Variants in CASK observed in about 807,000 individuals in gnomAD.
CASK encodes the protein calcium/calmodulin dependent serine protein kinase, also known as peripheral plasma membrane protein CASK.
Under a neutral mutation model 82.9 loss-of-function variants are expected in CASK, and 4 were observed. That is an observed-to-expected ratio of 0.05 (90% confidence interval 0.02 to 0.11). CASK has a LOEUF of 0.11. CASK is among the 10% of genes least tolerant of loss of function. The probability of loss-of-function intolerance (pLI) is 1.00; values close to 1 mark genes in which losing one functional copy is unlikely to be tolerated. For missense variants in CASK, 358 were observed against 720.9 expected (o/e 0.50, Z 5.76); for synonymous variants, 259 against 253.5 (o/e 1.02, Z -0.20).
intron 3 of CASK, among the ~76,000 whole-genome samples, chrX:41,746,123 T>C (rs1011350215): frequency 1.1e-4 from 12 of 112,008 alleles, no homozygotes; most frequent in African/African-American, 3.2e-4. Flanking sequence ...AAACATATTG[T>C]AACACATAGA....
intron 9 of CASK, among the ~76,000 whole-genome samples, chrX:41,632,532 G>C (rs1010413054): frequency 8.9e-6 from 1 of 111,767 alleles, no homozygotes; most frequent in Non-Finnish European, 1.9e-5. Flanking sequence ...CATTTGAAAG[G>C]TGCTAGCGCA....
intron 2 of CASK, among the ~76,000 whole-genome samples, chrX:41,822,291 C>A (rs2070560688): frequency 1.8e-5 from 2 of 111,336 alleles, no homozygotes; most frequent in African/African-American, 6.5e-5. Flanking sequence ...GGCGTGGTGG[C>A]TCACATCTAT....
At chrX:41,909,237 A>T (rs2072520077) in intron 1 of CASK, among the ~76,000 whole-genome samples, 1 of 112,262 alleles carries the variant, frequency 8.9e-6, no homozygotes, top group Non-Finnish European at 1.9e-5. Context: ...CACTGATCTA[A>T]ACCTCACTGA....
chrX:41,544,564 T>TAAAAA (rs752196101), intron 21 of CASK, among the ~76,000 whole-genome samples: 2 of 48,389 alleles, frequency 4.1e-5, no homozygotes, highest in African/African-American at 8.1e-5. Context: ...AGACCTTGTC[T>TAAAAA]AAAAAAAAAA....
chrX:41,659,997 TAA>T (rs756132427), intron 8 of CASK: 829 of 97,902 alleles, frequency 8.5e-3, no homozygotes, highest in South Asian at 0.011. Flanking sequence ...AGACCTTGTC[TAA>T]AAAAAAAAAA....
intron 3 of CASK, among the ~76,000 whole-genome samples, chrX:41,766,914 A>G (rs1295896566): frequency 8.9e-6 from 1 of 111,775 alleles, no homozygotes; most frequent in Admixed American, 9.5e-5. Flanking sequence ...AGCATTATGC[A>G]TAAATATTTC....
intron 5 of CASK, among the ~76,000 whole-genome samples, chrX:41,710,016 A>G (rs1200581793): frequency 9.2e-6 from 1 of 108,562 alleles, no homozygotes; most frequent in East Asian, 2.9e-4. Flanking sequence ...GCACTGATAT[A>G]TGATGCCTTT....
chrX:41,738,253 G>A (rs1445682621), intron 5 of CASK, among the ~76,000 whole-genome samples: 6 of 112,919 alleles, frequency 5.3e-5, no homozygotes, highest in Non-Finnish European at 9.4e-5. Flanking sequence ...GGGATTATAG[G>A]CATGAGCCAC....
At chrX:41,880,335 T>C (rs1156768545) in intron 1 of CASK, among the ~76,000 whole-genome samples, 1 of 111,699 alleles carries the variant, frequency 9.0e-6, no homozygotes, top group Non-Finnish European at 1.9e-5. Context: ...TTATAATTTA[T>C]ATACTCTTCT....
Position 41,553,739 on chromosome X carries a change from A to C in CASK, c.2019T>G (p.Pro673=), listed in dbSNP as rs546044640. 1,502 of 1,202,486 alleles carry C rather than the reference A, an allele frequency of 1.2e-3. 10 individuals are homozygous for C. The South Asian group carries it at 0.025, about 20-fold the overall frequency. The change falls in exon 21 of 27, where the codon CCT becomes CCG. Residue 673 remains proline, a synonymous_variant. Coordinates refer to ENST00000378163, the MANE Select transcript of CASK (RefSeq NM_001367721.1). ...CATACCATTCCTGAAGTTCAGGAGA[A>C]GGAATGAGACCTGCAGTTCCATTTT... ...NSKNGTAGLI[P]SPELQEWRVA...
intron 3 of CASK, among the ~76,000 whole-genome samples, chrX:41,749,910 G>C (rs1304305422): frequency 9.0e-6 from 1 of 111,041 alleles, no homozygotes; most frequent in Non-Finnish European, 1.9e-5. Flanking sequence ...TTGGTTTAAA[G>C]TATTTATTAT....
intron 14 of CASK, among the ~76,000 whole-genome samples, chrX:41,579,208 T>G (rs1360068841): frequency 8.9e-6 from 1 of 112,028 alleles, no homozygotes; most frequent in African/African-American, 3.2e-5. Flanking sequence ...TGAAAATAAT[T>G]TATAGCATAT....
At chrX:41,888,886 C>T (rs2072109291) in intron 1 of CASK, among the ~76,000 whole-genome samples, 1 of 108,365 alleles carries the variant, frequency 9.2e-6, no homozygotes, top group South Asian at 3.9e-4. Flanking sequence ...TCTTTATCCA[C>T]TCATTGATTG....
At chrX:41,773,640 G>A (rs1025014259) in intron 3 of CASK, among the ~76,000 whole-genome samples, 1 of 111,669 alleles carries the variant, frequency 9.0e-6, no homozygotes, top group African/African-American at 3.3e-5. Flanking sequence ...AACCATCATA[G>A]AGTGTACTTA....
At chrX:41,899,256 T>A (rs2072325209) in intron 1 of CASK, among the ~76,000 whole-genome samples, 1 of 111,591 alleles carries the variant, frequency 9.0e-6, no homozygotes, top group African/African-American at 3.3e-5. Flanking sequence ...TTGGTTACCA[T>A]TTGCACAGAA....
At chrX:41,711,936 G>A (rs951670871) in intron 5 of CASK, among the ~76,000 whole-genome samples, 2 of 112,443 alleles carry the variant, frequency 1.8e-5, no homozygotes, top group Non-Finnish European at 1.9e-5. Context: ...AATTGTCAGC[G>A]TATCCTCATT....
chrX:41,523,925 T>C (rs1335974011), intron 26 of CASK, 26 bp downstream of exon 26: 11 of 1,094,219 alleles, frequency 1.0e-5, no homozygotes, highest in African/African-American at 9.1e-5. Flanking sequence ...TACAGCTTAT[T>C]TGGGGAAAAA....
chrX:41,576,885 C>T (rs1382595363), intron 15 of CASK, among the ~76,000 whole-genome samples: 1 of 111,205 alleles, frequency 9.0e-6, no homozygotes, highest in Non-Finnish European at 1.9e-5. Flanking sequence ...CCATGTGCTG[C>T]AAGATAATAT....
chrX:41,843,459 G>A (rs756444410), intron 2 of CASK, among the ~76,000 whole-genome samples: 2 of 111,344 alleles, frequency 1.8e-5, no homozygotes, highest in South Asian at 7.6e-4. Context: ...GGTGTATGAC[G>A]TTGATTTTTA....
Sources: allele counts gnomAD v4.1 joint callset (sites outside exome capture counted in the v4.1 genomes callset), GRCh38; gene constraint gnomAD v4.1.1; transcripts MANE v1.5; gene names NCBI Gene and HGNC (gene_info 2026-07-23, HGNC 2026-07-21).